Variants in HECW1 observed in about 807,000 individuals in gnomAD.
The protein encoded by HECW1 is E3 ubiquitin-protein ligase HECW1.
Under a neutral mutation model 182.3 loss-of-function variants are expected in HECW1, and 61 were observed. That is an observed-to-expected ratio of 0.33 (90% CI 0.27 to 0.41). HECW1 has a LOEUF of 0.41. Among genes scored for constraint, HECW1 ranks in the 10% least tolerant of loss-of-function variants. The pLI, the probability that HECW1 is intolerant of heterozygous loss-of-function variation, is 1.00. For synonymous variants in HECW1, 859 were observed against 832.6 expected (o/e 1.03, Z -0.55); for missense variants, 1,739 against 2,108.9 (o/e 0.82, Z 3.44).
intron 2 of HECW1, among the ~76,000 whole-genome samples, chr7:43,199,979 T>C (rs2152688972): frequency 6.6e-6 from 1 of 152,342 alleles, no homozygotes; most frequent in Non-Finnish European, 1.5e-5. Context: ...TGTGAATAAG[T>C]ACATAGGAAT....
At chr7:43,173,656 G>T (rs759540748) in intron 2 of HECW1, among the ~76,000 whole-genome samples, 4 of 152,146 alleles carry the variant, frequency 2.6e-5, no homozygotes, top group Non-Finnish European at 4.4e-5. Context: ...TGCAGCCACT[G>T]ATCTGACAGG....
At chr7:43,336,663 T>C (rs1463215321) in intron 5 of HECW1, among the ~76,000 whole-genome samples, 1 of 152,178 alleles carries the variant, frequency 6.6e-6, no homozygotes, top group Non-Finnish European at 1.5e-5. Context: ...ATATTGAATA[T>C]TGAACTCAAT....
intron 2 of HECW1, among the ~76,000 whole-genome samples, chr7:43,157,866 A>C (rs1790062696): frequency 6.6e-6 from 1 of 152,192 alleles, no homozygotes; most frequent in Non-Finnish European, 1.5e-5. Context: ...CAGCCAATAC[A>C]TTATTTTCAA....
intron 8 of HECW1, among the ~76,000 whole-genome samples, chr7:43,422,824 G>C (rs1012404043): frequency 6.6e-6 from 1 of 152,124 alleles, no homozygotes; most frequent in Non-Finnish European, 1.5e-5. Flanking sequence ...CTTTTTGATG[G>C]AGCAGAACAA....
chr7:43,292,320 T>C (rs1805494785), intron 3 of HECW1, among the ~76,000 whole-genome samples: 1 of 152,146 alleles, frequency 6.6e-6, no homozygotes, highest in Non-Finnish European at 1.5e-5. Flanking sequence ...TAAGAACACA[T>C]TGCTAGTTAA....
intron 3 of HECW1, chr7:43,274,548 G>A (rs1802844711): frequency 1.8e-6 from 1 of 549,648 alleles, no homozygotes; most frequent in Non-Finnish European, 3.4e-6. Context: ...GCCGGGCCAC[G>A]CTTCACCACC....
At chr7:43,480,216 C>G (rs766866575) in intron 17 of HECW1, among the ~76,000 whole-genome samples, 27 of 152,120 alleles carry the variant, frequency 1.8e-4, no homozygotes, top group Non-Finnish European at 2.5e-4. Flanking sequence ...TGCTCTATTC[C>G]CACTCTATTC....
At chr7:43,493,046 T>G in intron 18 of HECW1, 38 bp from the exon 19 acceptor site, 1 of 1,403,616 alleles carries the variant, frequency 7.1e-7, no homozygotes, top group Non-Finnish European at 1.0e-6. Context: ...ATCTCTGGGC[T>G]GCAGACTCAA....
At chr7:43,369,447 A>G (rs1389513111) in intron 6 of HECW1, among the ~76,000 whole-genome samples, 2 of 152,286 alleles carry the variant, frequency 1.3e-5, no homozygotes, top group East Asian at 3.9e-4. Flanking sequence ...TACAAGAGTG[A>G]GCGAAACTCC....
intron 24 of HECW1, among the ~76,000 whole-genome samples, chr7:43,521,136 G>A (rs144108679): frequency 3.0e-4 from 46 of 152,330 alleles, no homozygotes; most frequent in South Asian, 6.2e-4. Flanking sequence ...TGACGGATGC[G>A]TCTCTCAGAA....
chr7:43,470,298 C>T (rs977540508), intron 16 of HECW1, among the ~76,000 whole-genome samples: 24 of 152,148 alleles, frequency 1.6e-4, no homozygotes, highest in Non-Finnish European at 2.8e-4. Flanking sequence ...AGCTCGGTTT[C>T]GGGTAGCCAC....
At chr7:43,437,107 C>T (rs1484844993) in intron 8 of HECW1, among the ~76,000 whole-genome samples, 1 of 152,208 alleles carries the variant, frequency 6.6e-6, no homozygotes, top group Non-Finnish European at 1.5e-5. Context: ...AGCCCACTTC[C>T]TGGACTTCAG....
intron 3 of HECW1, among the ~76,000 whole-genome samples, chr7:43,252,094 C>T (rs1800100154): frequency 6.6e-6 from 1 of 152,162 alleles, no homozygotes; most frequent in Non-Finnish European, 1.5e-5. Flanking sequence ...TCCAAATGTG[C>T]ATCACTATCA....
At chr7:43,197,143 A>G (rs1490368213) in intron 2 of HECW1, among the ~76,000 whole-genome samples, 5 of 152,196 alleles carry the variant, frequency 3.3e-5, no homozygotes, top group Admixed American at 1.3e-4. Flanking sequence ...ATGTAATCCA[A>G]AAGAGAATTT....
chr7:43,303,954 A>C (rs1807196465), intron 3 of HECW1, among the ~76,000 whole-genome samples: 1 of 152,174 alleles, frequency 6.6e-6, no homozygotes, highest in African/African-American at 2.4e-5. Context: ...GGCAGTATTT[A>C]ATCTCATCCC....
At chr7:43,446,175 G>A (rs1237514119) in intron 11 of HECW1, among the ~76,000 whole-genome samples, 2 of 152,092 alleles carry the variant, frequency 1.3e-5, no homozygotes, top group African/African-American at 2.4e-5. Flanking sequence ...TGTTGTTGTT[G>A]TTGGCTATTT....
At chr7:43,511,413 G>A (rs3823863) in intron 24 of HECW1, 27,936 of 152,192 alleles carry the variant, frequency 0.18, 2,895 homozygotes, top group South Asian at 0.31. Flanking sequence ...TTAAAGCTGC[G>A]ACTCTGAATG....
At chr7:43,480,703 A>G (rs1203688595) in intron 17 of HECW1, among the ~76,000 whole-genome samples, 2 of 150,510 alleles carry the variant, frequency 1.3e-5, no homozygotes, top group African/African-American at 4.9e-5. Flanking sequence ...ATATACACAC[A>G]CACACACATA....
intron 6 of HECW1, among the ~76,000 whole-genome samples, chr7:43,387,181 C>T (rs2152831745): frequency 6.6e-6 from 1 of 152,296 alleles, no homozygotes; most frequent in Middle Eastern, 3.4e-3. Flanking sequence ...CCACCAATCC[C>T]ATTGTTCTCC....
Sources: allele counts gnomAD v4.1 joint callset (sites outside exome capture counted in the v4.1 genomes callset), GRCh38; gene constraint gnomAD v4.1.1; transcripts MANE v1.5; gene names NCBI Gene and HGNC (gene_info 2026-07-23, HGNC 2026-07-21).